Variants in INSL6 observed in about 807,000 individuals in gnomAD.
The protein encoded by INSL6 is insulin-like peptide INSL6.
Under a neutral mutation model 9.4 loss-of-function variants are expected in INSL6, and 16 were observed. That is an observed-to-expected ratio of 1.70 (90% confidence interval 1.15 to 2.59). The LOEUF (loss-of-function observed/expected upper bound fraction) is 2.59, where lower values mean the gene tolerates loss of function less well. INSL6 is among the 30% of genes most tolerant of loss of function. INSL6 has a pLI of 0.00. For synonymous variants in INSL6, 154 were observed against 96.9 expected (o/e 1.59, Z -3.46); for missense variants, 391 against 257.3 (o/e 1.52, Z -3.56).
the INSL6 span, among the ~76,000 whole-genome samples, chr9:5,105,380 G>T: frequency 5.0e-3 from 760 of 152,212 alleles, 5 homozygotes; most frequent in African/African-American, 0.017. Flanking sequence ...CCTCTTCAAG[G>T]AAAACTACAA....
In INSL6 at chr9:5,139,547, C is replaced by G. The variant is rs566207313; in HGVS notation, c.377-5955G>C. Among the ~76,000 whole-genome samples, 12 of 152,244 alleles carry G rather than the reference C, an allele frequency of 7.9e-5. No individual in the cohort carries two copies. The South Asian group carries it at 1.5e-3, about 18-fold the overall frequency. The stretch of plus-strand genomic sequence containing the variant: ...GACACTCTCAAGTCTAGACACATCC[C>G]TGGTTGCTTGAGGAAAGGAACCATA... On this transcript the variant is annotated intron_variant, in intron 2 of 3. Transcript: ENST00000649639.
chr9:5,081,927 T>C, the INSL6 span: 1 of 1,323,162 alleles, frequency 7.6e-7, no homozygotes, highest in Non-Finnish European at 1.1e-6. Flanking sequence ...TAAGAGCGTT[T>C]CTAAAGTTCA....
chr9:5,046,450 G>T, the INSL6 span, among the ~76,000 whole-genome samples: 1 of 152,086 alleles, frequency 6.6e-6, no homozygotes, highest in African/African-American at 2.4e-5. Context: ...CTATGTTTTT[G>T]GTGTCATATC....
At chr9:5,145,278 A>G (rs796310000) in intron 2 of INSL6, among the ~76,000 whole-genome samples, 2 of 151,204 alleles carry the variant, frequency 1.3e-5, no homozygotes, top group African/African-American at 4.8e-5. Flanking sequence ...AATGTTTAAT[A>G]CTGACCCCCT....
intron 2 of INSL6, among the ~76,000 whole-genome samples, chr9:5,156,312 G>A (rs1824813907): frequency 6.6e-6 from 1 of 152,140 alleles, no homozygotes; most frequent in Admixed American, 6.6e-5. Context: ...AAATAAAGGA[G>A]GCAACACTTC....
intron 2 of INSL6, among the ~76,000 whole-genome samples, chr9:5,137,412 C>T (rs1056553818): frequency 6.6e-5 from 10 of 152,242 alleles, no homozygotes; most frequent in African/African-American, 2.2e-4. Context: ...GTATTGGTAT[C>T]AAAACAGATG....
chr9:5,149,369 A>G (rs1824667367), intron 2 of INSL6, among the ~76,000 whole-genome samples: 2 of 151,940 alleles, frequency 1.3e-5, no homozygotes, highest in Non-Finnish European at 2.9e-5. Flanking sequence ...TGTGTAAATG[A>G]CTTTTCACAG....
the INSL6 span, among the ~76,000 whole-genome samples, chr9:5,043,982 G>C: frequency 6.6e-6 from 1 of 152,140 alleles, no homozygotes; most frequent in Admixed American, 6.5e-5. Flanking sequence ...GTTACTAAAA[G>C]ACAATATAGA....
chr9:5,123,543 G>A (rs1444255594), downstream of INSL6, among the ~76,000 whole-genome samples: 1 of 151,788 alleles, frequency 6.6e-6, no homozygotes, highest in African/African-American at 2.4e-5. Context: ...TCTTTATCCA[G>A]TCATCCACTG....
chr9:5,011,959 G>C, the INSL6 span, among the ~76,000 whole-genome samples: 2 of 152,200 alleles, frequency 1.3e-5, no homozygotes, highest in African/African-American at 4.8e-5. Context: ...ACTAAATCCT[G>C]ACTCTCCAGG....
At chr9:5,162,725 A>G (rs1824953035), downstream of INSL6, among the ~76,000 whole-genome samples, 2 of 152,250 alleles carry the variant, frequency 1.3e-5, no homozygotes, top group African/African-American at 2.4e-5. Flanking sequence ...AAAAATATTT[A>G]TTAATGCAAA....
chr9:5,180,671 T>C (rs1825431930), intron 1 of INSL6, among the ~76,000 whole-genome samples: 1 of 152,190 alleles, frequency 6.6e-6, no homozygotes, highest in African/African-American at 2.4e-5. Flanking sequence ...GTGGTCAGAC[T>C]GGTTCTCTGC....
the INSL6 span, among the ~76,000 whole-genome samples, chr9:5,074,086 C>T: frequency 6.6e-6 from 1 of 151,980 alleles, no homozygotes; most frequent in South Asian, 2.1e-4. Context: ...TTCAACATAA[C>T]ATTGGAATAA....
intron 2 of INSL6, among the ~76,000 whole-genome samples, chr9:5,156,690 A>G (rs1824820179): frequency 6.6e-6 from 1 of 152,238 alleles, no homozygotes; most frequent in Non-Finnish European, 1.5e-5. Context: ...CAATGAGTCA[A>G]TAAAAAGAAA....
chr9:5,042,470 T>TCCTCCCCTCCAAGA, the INSL6 span, among the ~76,000 whole-genome samples: 22 of 152,252 alleles, frequency 1.4e-4, no homozygotes, highest in South Asian at 8.3e-4. Context: ...CTGTGTCTAG[T>TCCTCCCCTCCAAGA]CCTCCCCTCC....
the INSL6 span, among the ~76,000 whole-genome samples, chr9:5,034,501 C>T: frequency 6.6e-6 from 1 of 151,994 alleles, no homozygotes; most frequent in Admixed American, 6.6e-5. Flanking sequence ...AAGCACTCCT[C>T]AGCAAGTGTA....
At chr9:5,011,033 C>T in the INSL6 span, among the ~76,000 whole-genome samples, 1 of 152,124 alleles carries the variant, frequency 6.6e-6, no homozygotes, top group African/African-American at 2.4e-5. Flanking sequence ...TATGTGACTG[C>T]TTTTAAGATT....
intron 1 of INSL6, among the ~76,000 whole-genome samples, chr9:5,164,950 G>A (rs1825017803): frequency 6.6e-6 from 1 of 152,224 alleles, no homozygotes; most frequent in Non-Finnish European, 1.5e-5. Flanking sequence ...GCTCACGCCT[G>A]TAATCCCAGC....
At chr9:5,045,751 T>C in the INSL6 span, among the ~76,000 whole-genome samples, 8 of 152,198 alleles carry the variant, frequency 5.3e-5, no homozygotes, top group African/African-American at 1.9e-4. Context: ...CAGAATTTCT[T>C]TCCTTTTTAA....
Sources: gnomAD v4.1 joint callset for allele counts (sites outside exome capture counted in the v4.1 genomes callset) on GRCh38, gnomAD v4.1.1 for gene constraint, MANE v1.5 for transcripts, NCBI Gene and HGNC (gene_info 2026-07-23, HGNC 2026-07-21) for gene names.